The following GPR26 variants were observed in gnomAD, a reference collection of about 807,000 sequenced individuals.
The protein encoded by GPR26 is G protein-coupled receptor 26.
Under a neutral mutation model 23.1 loss-of-function variants are expected in GPR26, and 15 were observed. The ratio of observed to expected loss-of-function variants is 0.65; its 90% confidence interval spans 0.43 to 1.00. The LOEUF (loss-of-function observed/expected upper bound fraction) is 1.00, where lower values mean the gene tolerates loss of function less well. GPR26 is among the 50% of genes least tolerant of loss of function. The pLI, the probability that GPR26 is intolerant of heterozygous loss-of-function variation, is 0.00. For missense variants in GPR26, 359 were observed against 470.5 expected, an observed-to-expected ratio of 0.76 and a Z score of 2.19; for synonymous variants, 228 against 222.1, an observed-to-expected ratio of 1.03 and a Z score of -0.24.
At chr10:123,675,798 CTGTG>C (rs57869785) in intron 2 of GPR26, among the ~76,000 whole-genome samples, 3 of 142,632 alleles carry the variant, frequency 2.1e-5, no homozygotes, top group Admixed American at 7.1e-5. Context: ...GCAGGGTTTT[CTGTG>C]TGTGTGTGTG....
intron 1 of GPR26, among the ~76,000 whole-genome samples, chr10:123,668,413 A>C (rs969612380): frequency 2.0e-5 from 3 of 152,222 alleles, no homozygotes; most frequent in African/African-American, 7.2e-5. Context: ...CAGAATGTAC[A>C]TGTGAGTGAC....
In GPR26 at chr10:123,691,470, A is replaced by C. The variant is rs4980199; in HGVS notation, c.*3310A>C. On this transcript the variant is annotated 3_prime_UTR_variant, in exon 3 of 3. Transcript: ENST00000284674. ...AAGAATGGGGCCAGGTTCATGTCCC[A>C]GTTGTCACCCTTTTACATGCTTGGG... 6.6e-6 allele frequency: 1 copy of C among 152,290 alleles called. No homozygotes were observed. The highest frequency in any genetic ancestry group is 1.5e-5 in the Non-Finnish European group (1 of 68,042). The allele number at this position is 152,290 out of a possible 1,614,324, so 9.4% of individuals were successfully genotyped here.
chr10:123,684,882 A>G (rs756379226), intron 2 of GPR26, among the ~76,000 whole-genome samples: 5 of 152,188 alleles, frequency 3.3e-5, no homozygotes, highest in African/African-American at 7.2e-5. Flanking sequence ...TCAACCCTCA[A>G]TGGGGGCCAT....
At position 123,680,810 on chromosome 10, in the gene GPR26, G is replaced by T. The variant is rs28407056; in HGVS notation, c.782+5879G>T. Among the ~76,000 whole-genome samples the T allele has an allele frequency of 2.4e-3, 51 of 21,574 alleles. 2 individuals carry two copies. Among genetic ancestry groups the T allele is most frequent in the East Asian group, 9.3e-3 (1 of 108 alleles). The allele number at this position is 21,574 out of a possible 152,430, so 14.2% of individuals were successfully genotyped here. On this transcript the variant is annotated intron_variant, in intron 2 of 2. Transcript: ENST00000284674. ...GTTAACATTCTCTTGGGTTTTTTTTGTTTTGTTTTGTTTTTTTGGGGGGGG... is the reference window on the plus strand; with the variant it reads ...GTTAACATTCTCTTGGGTTTTTTTTTTTTTGTTTTGTTTTTTTGGGGGGGG...
Position 123,696,536 on chromosome 10 carries a change from T to C in GPR26, c.*8376T>C, listed in dbSNP as rs1157361637. ...GTGCCAGCTGGTTTAGCATTCAATA[T>C]GGAAATGCACTTTATATTTATTTGC... On this transcript the variant is annotated 3_prime_UTR_variant, in exon 3 of 3. Coordinates refer to ENST00000284674, the MANE Select transcript of GPR26 (RefSeq NM_153442.4). 6.6e-6 allele frequency among the ~76,000 whole-genome samples: 1 copy of C among 152,222 alleles called. No individual in the cohort carries two copies. Among genetic ancestry groups the C allele is most frequent in the Non-Finnish European group, 1.5e-5 (1 of 68,026 alleles).
At chr10:123,675,491 T>A (rs1196273038) in intron 2 of GPR26, among the ~76,000 whole-genome samples, 1 of 152,140 alleles carries the variant, frequency 6.6e-6, no homozygotes, top group Non-Finnish European at 1.5e-5. Flanking sequence ...GCTTGTTGTG[T>A]TCTCTACCAG....
intron 2 of GPR26, among the ~76,000 whole-genome samples, chr10:123,678,742 C>T (rs980019660): frequency 1.1e-4 from 17 of 152,160 alleles, no homozygotes; most frequent in African/African-American, 2.7e-4. Context: ...CACCAGGGGC[C>T]GTCTGAGCCC....
At chr10:123,683,033 C>CAT (rs1491588300) in intron 2 of GPR26, among the ~76,000 whole-genome samples, 26 of 150,874 alleles carry the variant, frequency 1.7e-4, no homozygotes, top group African/African-American at 6.1e-4. Flanking sequence ...CATGTGTTTA[C>CAT]GTGTGTGTGT....
In GPR26 at chr10:123,689,828, G is replaced by C. The variant is rs957940248; in HGVS notation, c.*1668G>C. ...TGTCTAGTTTCAAAGTTACCATGGA[G>C]ACTAGAATGGAGACAGGTGTAGCTT... On this transcript the variant is annotated 3_prime_UTR_variant, in exon 3 of 3. Coordinates refer to ENST00000284674, the MANE Select transcript of GPR26 (RefSeq NM_153442.4). 1.3e-5 allele frequency: 2 copies of C among 152,210 alleles called. No homozygotes were observed. The highest frequency in any genetic ancestry group is 4.8e-5 in the African/African-American group (2 of 41,448). The allele number at this position is 152,210 out of a possible 1,614,324, so 9.4% of individuals were successfully genotyped here.
rs769054060 is a variant in GPR26, at chr10:123,674,895, C to A, written c.746C>A (p.Thr249Asn). 6.2e-7 allele frequency: 1 copy of A among 1,613,186 alleles called. No homozygotes were observed. The highest frequency in any genetic ancestry group is 1.3e-5 in the African/African-American group (1 of 74,892). Residue 249 changes from threonine (T) to asparagine (N), a missense_variant, in exon 2 of 3, where the codon ACC (threonine) becomes AAC (asparagine). Coordinates refer to ENST00000284674, the MANE Select transcript of GPR26 (RefSeq NM_153442.4). This position sits in a 1 kb window ranked among gnomAD's most constrained non-coding sequence, Gnocchi z 4.1. ...ATKKISTFIGTFLVCFAPYVI... is the reference protein window; with the variant it reads ...ATKKISTFIGNFLVCFAPYVI... ...AAGAAGATCAGCACCTTCATAGGGA[C>A]CTTCCTTGTGTGCTTCGCGCCCTAT... is the stretch of plus-strand genomic sequence containing the variant.
chr10:123,679,194 T>G (rs899753718), intron 2 of GPR26, among the ~76,000 whole-genome samples: 1 of 152,198 alleles, frequency 6.6e-6, no homozygotes, highest in Non-Finnish European at 1.5e-5. Flanking sequence ...TCAAAAGCCA[T>G]GGGTTTTGGA....
At position 123,666,965 on chromosome 10, in the gene GPR26, C is replaced by G; in HGVS notation, c.558C>G (p.Val186=). The G allele has an allele frequency of 6.2e-7, 1 of 1,613,814 alleles. No individual in the cohort carries two copies. The highest frequency in any genetic ancestry group is 8.5e-7 in the Non-Finnish European group (1 of 1,179,960). Residue 186 remains valine (V), a synonymous_variant, in exon 1 of 3, where the codon GTC becomes GTG. Coordinates refer to ENST00000284674, the MANE Select transcript of GPR26 (RefSeq NM_153442.4). The part of the protein sequence containing the change: ...FHALSFLLSF[V]VLCCTYLKVL... ...CTCTCAGCTTCCTGCTCTCCTTCGTCGTGCTCTGCTGCACGTACCTCAAGG... is the reference window on the plus strand; with the variant it reads ...CTCTCAGCTTCCTGCTCTCCTTCGTGGTGCTCTGCTGCACGTACCTCAAGG...
intron 1 of GPR26, among the ~76,000 whole-genome samples, chr10:123,669,037 C>T (rs900331022): frequency 6.6e-6 from 1 of 152,180 alleles, no homozygotes; most frequent in Admixed American, 6.5e-5. Flanking sequence ...TGCTTGCCTT[C>T]GATTTCCCCT....
chr10:123,673,928 T>TCTG (rs1845278495), intron 1 of GPR26, among the ~76,000 whole-genome samples: 1 of 151,634 alleles, frequency 6.6e-6, no homozygotes, highest in Non-Finnish European at 1.5e-5. Context: ...TTCCTCTTCT[T>TCTG]CTTCTTCTTC....
At position 123,691,056 on chromosome 10, in the gene GPR26, C is replaced by G. The variant is rs894814049; in HGVS notation, c.*2896C>G. The G allele has an allele frequency of 6.6e-6, 1 of 152,184 alleles. No homozygotes were observed. Among genetic ancestry groups the G allele is most frequent in the Non-Finnish European group, 1.5e-5 (1 of 68,042 alleles). 9.4% of individuals were successfully genotyped at this position (152,184 alleles called of 1,614,324 possible). ...CAAATTCCTAAATCCACATATAGGG[C>G]TGAGTTCCTAGTCCTACACAATCAG... is the stretch of plus-strand genomic sequence containing the variant. On this transcript the variant is annotated 3_prime_UTR_variant, in exon 3 of 3. Transcript: ENST00000284674.
chr10:123,694,519 G>T lies in GPR26; in HGVS notation c.*6359G>T, dbSNP rs768213196. 6.7e-5 allele frequency: 10 copies of T among 148,342 alleles called. No individual in the cohort carries two copies. Among genetic ancestry groups the T allele is most frequent in the Admixed American group, 2.7e-4 (4 of 14,592 alleles). The allele number at this position is 148,342 out of a possible 1,614,324, so 9.2% of individuals were successfully genotyped here. On this transcript the variant is annotated 3_prime_UTR_variant, in exon 3 of 3. Coordinates refer to ENST00000284674, the MANE Select transcript of GPR26 (RefSeq NM_153442.4). ...CCATATATTTTTAGCTACCAAAAAA[G>T]AGAAGGAAGAAAGAAAAGAAATAAG... is the stretch of plus-strand genomic sequence containing the variant.
chr10:123,679,233 A>C (rs751552769), intron 2 of GPR26, among the ~76,000 whole-genome samples: 9 of 152,198 alleles, frequency 5.9e-5, no homozygotes, highest in Non-Finnish European at 1.3e-4. Flanking sequence ...CTATCATGTC[A>C]TGCAGGGAGG....
intron 2 of GPR26, among the ~76,000 whole-genome samples, chr10:123,680,007 A>T (rs1340882518): frequency 6.6e-6 from 1 of 152,190 alleles, no homozygotes; most frequent in Non-Finnish European, 1.5e-5. Flanking sequence ...CTCCATATGG[A>T]GGAAGTCACT....
rs756116883 is a variant in GPR26 at position 123,667,082 on chromosome 10, C to T, written c.668+7C>T. 44 of 1,571,630 alleles carry T rather than the reference C, an allele frequency of 2.8e-5. No individual in the cohort carries two copies. The Middle Eastern group carries it at 4.9e-3, about 175-fold the overall frequency. ...TGGTGGACCTGCACCCCAGGTGAGC[C>T]GAGCGCAGCTAAGGCTCTGGGAACA... On this transcript the variant is annotated splice_region_variant and intron_variant, in intron 1 of 2. Transcript: ENST00000284674.
Sources: gnomAD v4.1 joint callset for allele counts (sites outside exome capture counted in the v4.1 genomes callset) on GRCh38, gnomAD v4.1.1 for gene constraint, Gnocchi (gnomAD v3.1) non-coding constraint, MANE v1.5 for transcripts, NCBI Gene and HGNC (gene_info 2026-07-23, HGNC 2026-07-21) for gene names.